PLEKHM3: variants seen among roughly 807,000 people sequenced by gnomAD.
PLEKHM3 encodes pleckstrin homology domain containing M3, also known as pleckstrin homology domain-containing family M member 3.
In PLEKHM3, 45 loss-of-function variants were observed where a neutral mutation model predicts 81.8. The ratio of observed to expected loss-of-function variants is 0.55; its 90% CI spans 0.43 to 0.71. The LOEUF is 0.71. PLEKHM3 is among the 30% of genes least tolerant of loss of function. The pLI is 0.00. For missense variants in PLEKHM3, 788 were observed against 924.3 expected (o/e 0.85, Z 1.91); for synonymous variants, 352 against 356.4 (o/e 0.99, Z 0.14).
chr2:207,915,543 C>T (rs1244246762), intron 5 of PLEKHM3, among the ~76,000 whole-genome samples: 3 of 152,072 alleles, frequency 2.0e-5, no homozygotes, highest in Admixed American at 6.6e-5. Context: ...TTACCATTTT[C>T]CTGAAGCTCA....
At chr2:208,000,885 T>A (rs1435656628) in intron 2 of PLEKHM3, 145 bp downstream of exon 2, 2 of 759,088 alleles carry the variant, frequency 2.6e-6, no homozygotes, top group South Asian at 2.2e-5. Context: ...GAGCATAAGA[T>A]TCTCATGAGC....
At chr2:208,004,968 G>T (rs1315651168) in intron 1 of PLEKHM3, among the ~76,000 whole-genome samples, 1 of 152,084 alleles carries the variant, frequency 6.6e-6, no homozygotes, top group African/African-American at 2.4e-5. Flanking sequence ...GGGGATTAAA[G>T]GCGCCCGCCA....
intron 6 of PLEKHM3, among the ~76,000 whole-genome samples, chr2:207,901,522 C>T (rs888817638): frequency 2.0e-5 from 3 of 152,198 alleles, no homozygotes; most frequent in Non-Finnish European, 2.9e-5. Context: ...TCACTCTTCC[C>T]GTTCCCCTCC....
chr2:207,829,133 G>A (rs2092270339), intron 7 of PLEKHM3, among the ~76,000 whole-genome samples: 2 of 152,208 alleles, frequency 1.3e-5, no homozygotes, highest in Middle Eastern at 6.8e-3. Flanking sequence ...GAGACAGTGG[G>A]GAAGAAAACA....
intron 6 of PLEKHM3, among the ~76,000 whole-genome samples, chr2:207,906,328 C>T (rs1448641756): frequency 1.3e-5 from 2 of 152,100 alleles, no homozygotes; most frequent in South Asian, 2.1e-4. Flanking sequence ...GCCAGCAGAC[C>T]ACTGCTGCTT....
At chr2:207,972,399 C>G (rs1691156309) in intron 3 of PLEKHM3, among the ~76,000 whole-genome samples, 1 of 151,956 alleles carries the variant, frequency 6.6e-6, no homozygotes, top group African/African-American at 2.4e-5. Flanking sequence ...CCAGCTTGAC[C>G]AACATGGCAA....
intron 4 of PLEKHM3, among the ~76,000 whole-genome samples, chr2:207,943,764 A>T: frequency 1.4e-5 from 2 of 144,590 alleles, no homozygotes; most frequent in Non-Finnish European, 3.0e-5. Flanking sequence ...GCTACTTGGG[A>T]GGCTGAGGCA....
intron 4 of PLEKHM3, among the ~76,000 whole-genome samples, chr2:207,943,398 T>C (rs1336298061): frequency 6.6e-6 from 1 of 152,178 alleles, no homozygotes; most frequent in African/African-American, 2.4e-5. Context: ...CACAACATTC[T>C]GGCAGAAGGA....
chr2:207,951,207 G>A (rs1048408920), intron 3 of PLEKHM3, among the ~76,000 whole-genome samples: 2 of 151,976 alleles, frequency 1.3e-5, no homozygotes, highest in African/African-American at 4.8e-5. Context: ...AATAATCACT[G>A]TTACAAAAAA....
intron 6 of PLEKHM3, chr2:207,868,711 G>T (rs2092516084): frequency 6.6e-6 from 1 of 152,100 alleles, no homozygotes; most frequent in Non-Finnish European, 1.5e-5. Context: ...CTATGATTTA[G>T]ACTCATTCCT....
intron 1 of PLEKHM3, among the ~76,000 whole-genome samples, chr2:208,024,361 T>C (rs963582900): frequency 2.0e-5 from 3 of 152,118 alleles, no homozygotes; most frequent in Non-Finnish European, 2.9e-5. Context: ...ATTGTAAAAA[T>C]ATTCATTGTA....
At chr2:207,842,815 G>A (rs1215185387) in intron 7 of PLEKHM3, among the ~76,000 whole-genome samples, 1 of 152,138 alleles carries the variant, frequency 6.6e-6, no homozygotes, top group African/African-American at 2.4e-5. Flanking sequence ...ATACTCATAA[G>A]ACAGAAATAT....
chr2:207,970,496 G>A (rs1027555336), intron 3 of PLEKHM3, among the ~76,000 whole-genome samples: 15 of 152,272 alleles, frequency 9.9e-5, no homozygotes, highest in African/African-American at 2.6e-4. Flanking sequence ...GAGCAGCCCC[G>A]AGGTGCTGTC....
intron 6 of PLEKHM3, 139 bp downstream of exon 6, chr2:207,908,375 C>A: frequency 1.2e-6 from 1 of 813,212 alleles, no homozygotes; most frequent in East Asian, 2.6e-5. Context: ...TAAGTTTTCC[C>A]CCCATTCTGA....
chr2:207,923,859 A>G (rs1173900360), intron 5 of PLEKHM3, among the ~76,000 whole-genome samples: 4 of 23,998 alleles, frequency 1.7e-4, no homozygotes, highest in African/African-American at 6.8e-4. Context: ...ACGCACGCAC[A>G]CACACACACA....
At chr2:208,001,998 T>C (rs141204493) in intron 1 of PLEKHM3, 41 bp from the exon 2 acceptor site, 144 of 268,608 alleles carry the variant, frequency 5.4e-4, no homozygotes, top group African/African-American at 2.9e-3. Flanking sequence ...ACATGGTTCA[T>C]TGTATTCTAC....
At chr2:207,955,704 G>A (rs893589554) in intron 3 of PLEKHM3, among the ~76,000 whole-genome samples, 2 of 152,190 alleles carry the variant, frequency 1.3e-5, no homozygotes, top group African/African-American at 4.8e-5. Context: ...TGGCAATGTG[G>A]CATTTTCAGG....
At chr2:207,871,414 G>C (rs1163544202) in intron 6 of PLEKHM3, among the ~76,000 whole-genome samples, 1 of 152,160 alleles carries the variant, frequency 6.6e-6, no homozygotes, top group Non-Finnish European at 1.5e-5. Flanking sequence ...TTTCTGCTTA[G>C]AGCTGGGAAA....
At chr2:207,935,326 C>T (rs973663173) in intron 4 of PLEKHM3, among the ~76,000 whole-genome samples, 1 of 152,192 alleles carries the variant, frequency 6.6e-6, no homozygotes, top group African/African-American at 2.4e-5. Flanking sequence ...ACAGACAGGG[C>T]AGCTGTTGAG....
Sources: gnomAD v4.1 joint callset for allele counts (sites outside exome capture counted in the v4.1 genomes callset) on GRCh38, gnomAD v4.1.1 for gene constraint, MANE v1.5 for transcripts, NCBI Gene and HGNC (gene_info 2026-07-23, HGNC 2026-07-21) for gene names.